EIF2B3: variants seen among roughly 807,000 people sequenced by gnomAD.
EIF2B3 encodes translation initiation factor eIF2B subunit gamma.
In EIF2B3, 20 loss-of-function variants were observed where a neutral mutation model predicts 54.1. That is an observed-to-expected ratio of 0.37 (90% CI 0.26 to 0.54). EIF2B3 has a LOEUF of 0.54. Among genes scored for constraint, EIF2B3 ranks in the 20% least tolerant of loss-of-function variants. The probability of loss-of-function intolerance (pLI) is 0.86; values close to 1 mark genes in which losing one functional copy is unlikely to be tolerated. For synonymous variants in EIF2B3, 153 were observed against 188.1 expected, an observed-to-expected ratio of 0.81 and a Z score of 1.52; for missense variants, 448 against 547.8, an observed-to-expected ratio of 0.82 and a Z score of 1.82.
intron 3 of EIF2B3, among the ~76,000 whole-genome samples, chr1:44,945,678 A>G (rs1407094428): frequency 6.6e-6 from 1 of 152,200 alleles, no homozygotes; most frequent in African/African-American, 2.4e-5. Context: ...AACTAAAGAA[A>G]CAGCCTGCAG....
intron 10 of EIF2B3, among the ~76,000 whole-genome samples, chr1:44,870,458 C>T (rs907035613): frequency 6.6e-6 from 1 of 152,178 alleles, no homozygotes; most frequent in Non-Finnish European, 1.5e-5. Flanking sequence ...TGTCAACTCT[C>T]CTCTCCCTTA....
chr1:44,924,625 A>G (rs2148931076), intron 5 of EIF2B3, among the ~76,000 whole-genome samples: 1 of 152,102 alleles, frequency 6.6e-6, no homozygotes, highest in East Asian at 1.9e-4. Context: ...CGACCTTGTG[A>G]TCCACCTGCC....
chr1:44,850,864 G>T lies in EIF2B3; in HGVS notation c.*87C>A. 1 of 1,472,486 alleles carries T rather than the reference G, an allele frequency of 6.8e-7. No individual in the cohort carries two copies. The highest frequency in any genetic ancestry group is 9.5e-7 in the Non-Finnish European group (1 of 1,052,610). The allele number at this position is 1,472,486 out of a possible 1,614,324, so 91.2% of individuals were successfully genotyped here. A position where few individuals can be genotyped will look rare whatever the true frequency, so the allele number is the denominator to read the frequency against. ...ATGCCTTTGGAAGCCCTTCTTTATT[G>T]GGAAATAAATACAGAGTTAAACAGG... On this transcript the variant is annotated 3_prime_UTR_variant, in exon 12 of 12. Coordinates refer to ENST00000360403, the MANE Select transcript of EIF2B3 (RefSeq NM_020365.5).
chr1:44,879,585 A>G (rs1234574698), intron 8 of EIF2B3, among the ~76,000 whole-genome samples: 3 of 152,132 alleles, frequency 2.0e-5, no homozygotes, highest in Non-Finnish European at 4.4e-5. Context: ...CTTCCTGAAG[A>G]TCTTAGCCTT....
chr1:44,945,481 G>A (rs1300272958), intron 3 of EIF2B3, among the ~76,000 whole-genome samples: 1 of 151,780 alleles, frequency 6.6e-6, no homozygotes, highest in East Asian at 1.9e-4. Context: ...ATGAACCCAG[G>A]GGGCGGAGCT....
chr1:44,950,998 T>G (rs889387393), intron 3 of EIF2B3, among the ~76,000 whole-genome samples: 1 of 152,164 alleles, frequency 6.6e-6, no homozygotes, highest in Non-Finnish European at 1.5e-5. Flanking sequence ...CAGTATGAGT[T>G]TTTTAAAAAA....
chr1:44,922,591 CAAAAAAAA>C (rs58626731), intron 5 of EIF2B3, among the ~76,000 whole-genome samples: 1 of 87,534 alleles, frequency 1.1e-5, no homozygotes, highest in Non-Finnish European at 2.3e-5. Flanking sequence ...TGTCTCAAGA[CAAAAAAAA>C]AAAAAAAAAA....
intron 11 of EIF2B3, among the ~76,000 whole-genome samples, chr1:44,855,960 G>T (rs1380900295): frequency 1.3e-5 from 2 of 152,160 alleles, no homozygotes; most frequent in Non-Finnish European, 2.9e-5. Context: ...CACAGTGGAA[G>T]GAATGTGTAG....
At chr1:44,974,313 A>C (rs11211060) in intron 3 of EIF2B3, among the ~76,000 whole-genome samples, 47,963 of 150,860 alleles carry the variant, frequency 0.32, 8,765 homozygotes, top group African/African-American at 0.49. Context: ...CTTTCTCTCT[A>C]TATATAAAAA....
intron 6 of EIF2B3, among the ~76,000 whole-genome samples, chr1:44,894,788 C>G (rs1437387448): frequency 6.6e-6 from 1 of 152,140 alleles, no homozygotes; most frequent in East Asian, 1.9e-4. Flanking sequence ...TTGAAGAAAT[C>G]TCTTTCCCAT....
At chr1:44,919,882 A>G (rs1214873304) in intron 5 of EIF2B3, among the ~76,000 whole-genome samples, 2 of 106,492 alleles carry the variant, frequency 1.9e-5, no homozygotes, top group Non-Finnish European at 4.2e-5. Flanking sequence ...ATGCCTGGCT[A>G]CTTTTTTTTT....
chr1:44,875,744 GCTCTCC>G lies in EIF2B3; in HGVS notation c.976-55_976-50del, dbSNP rs370371044. On this transcript the variant is annotated intron_variant, in intron 8 of 11. Transcript: ENST00000360403. ...TAAAGATCAGAAAACACCTTAGGTA[GCTCTCC>G]CTCTCCCTCTCCCTCTACCTCTCCC... is the stretch of plus-strand genomic sequence containing the variant. 7.9e-5 allele frequency: 117 copies of G among 1,475,740 alleles called. 1 individual carries two copies. The highest frequency in any genetic ancestry group is 4.8e-4 in the East Asian group (21 of 44,160). 91.4% of individuals were successfully genotyped at this position (1,475,740 alleles called of 1,614,324 possible). A position where few individuals can be genotyped will look rare whatever the true frequency, so the allele number is the denominator to read the frequency against.
At chr1:44,878,664 A>G (rs895363543) in intron 8 of EIF2B3, among the ~76,000 whole-genome samples, 8 of 152,080 alleles carry the variant, frequency 5.3e-5, no homozygotes, top group East Asian at 1.9e-4. Context: ...ACCAGGAGCA[A>G]TGTCAATAAC....
chr1:44,941,951 T>C (rs1044070649), intron 3 of EIF2B3, among the ~76,000 whole-genome samples: 1 of 152,160 alleles, frequency 6.6e-6, no homozygotes, highest in Non-Finnish European at 1.5e-5. Flanking sequence ...AACCACCACA[T>C]TGTCTATTTC....
At chr1:44,975,293 A>T (rs1199028758) in intron 3 of EIF2B3, among the ~76,000 whole-genome samples, 31 of 152,186 alleles carry the variant, frequency 2.0e-4, no homozygotes, top group Admixed American at 2.0e-3. Context: ...TAGATACACA[A>T]TTATGTGTTA....
At chr1:44,871,812 G>A (rs1278199912) in intron 10 of EIF2B3, among the ~76,000 whole-genome samples, 1 of 151,588 alleles carries the variant, frequency 6.6e-6, no homozygotes, top group East Asian at 1.9e-4. Context: ...GGTGACATTT[G>A]AGCTAAGATC....
intron 2 of EIF2B3, among the ~76,000 whole-genome samples, chr1:44,979,474 CAAAAAAAAAAA>C (rs34452633): frequency 7.1e-5 from 4 of 56,012 alleles, no homozygotes; most frequent in South Asian, 1.3e-3. Flanking sequence ...CTGTCTCTGC[CAAAAAAAAAAA>C]AAAAAAAAAA....
At chr1:44,955,704 A>G (rs1003974703) in intron 3 of EIF2B3, among the ~76,000 whole-genome samples, 20 of 152,326 alleles carry the variant, frequency 1.3e-4, no homozygotes, top group Admixed American at 2.6e-4. Flanking sequence ...GGCAAACGAT[A>G]TGAACAGACA....
At chr1:44,925,249 G>A (rs1393527771) in intron 5 of EIF2B3, 1 of 152,174 alleles carries the variant, frequency 6.6e-6, no homozygotes, top group African/African-American at 2.4e-5. Context: ...GTTCACTGCA[G>A]CACTATTCAC....
Sources: allele counts gnomAD v4.1 joint callset (sites outside exome capture counted in the v4.1 genomes callset), GRCh38; gene constraint gnomAD v4.1.1; transcripts MANE v1.5; gene names NCBI Gene and HGNC (gene_info 2026-07-23, HGNC 2026-07-21).